Variants in FGF14 observed in about 807,000 individuals in gnomAD.
FGF14 encodes the protein fibroblast growth factor 14.
FGF14 carries 5 observed loss-of-function variants against 25.5 expected under a neutral mutation model. That is an observed-to-expected ratio of 0.20 (90% confidence interval 0.10 to 0.41). The LOEUF is 0.41. Among genes scored for constraint, FGF14 ranks in the 10% least tolerant of loss-of-function variants. The probability of loss-of-function intolerance (pLI) is 1.00; values close to 1 mark genes in which losing one functional copy is unlikely to be tolerated. For missense variants in FGF14, 222 were observed against 320.1 expected, an observed-to-expected ratio of 0.69 and a Z score of 2.34; for synonymous variants, 138 against 118.3, an observed-to-expected ratio of 1.17 and a Z score of -1.08.
chr13:102,224,387 T>C (rs939389030), intron 1 of FGF14, among the ~76,000 whole-genome samples: 4 of 152,166 alleles, frequency 2.6e-5, no homozygotes, highest in African/African-American at 4.8e-5. Context: ...AGAAAGAAGA[T>C]ATTTCATTGT....
chr13:101,863,501 G>A (rs889521353), intron 3 of FGF14, among the ~76,000 whole-genome samples: 2 of 152,298 alleles, frequency 1.3e-5, no homozygotes, highest in East Asian at 3.9e-4. Flanking sequence ...AGGAAGCCCT[G>A]CCAATGTCTG....
At chr13:102,365,500 T>G (rs769863912) in intron 1 of FGF14, among the ~76,000 whole-genome samples, 2 of 152,186 alleles carry the variant, frequency 1.3e-5, no homozygotes, top group African/African-American at 2.4e-5. Context: ...AAAATTATTA[T>G]GTATATCAAA....
chr13:101,946,791 C>T (rs1259529666), intron 1 of FGF14, among the ~76,000 whole-genome samples: 2 of 152,204 alleles, frequency 1.3e-5, no homozygotes, highest in African/African-American at 2.4e-5. Context: ...TTAAGTCTGT[C>T]ACTGGTGGAT....
intron 1 of FGF14, among the ~76,000 whole-genome samples, chr13:101,934,897 G>T (rs2035000522): frequency 6.6e-6 from 1 of 152,186 alleles, no homozygotes; most frequent in African/African-American, 2.4e-5. Context: ...GTTCAGTGAG[G>T]ACACTTAATA....
intron 3 of FGF14, among the ~76,000 whole-genome samples, chr13:101,831,290 C>T (rs1207817199): frequency 3.3e-5 from 5 of 150,944 alleles, no homozygotes; most frequent in African/African-American, 1.2e-4. Context: ...TTACGTTGGC[C>T]AGGCTGGTCT....
chr13:102,312,357 G>C (rs1189571369), intron 1 of FGF14, among the ~76,000 whole-genome samples: 1 of 151,896 alleles, frequency 6.6e-6, no homozygotes, highest in Non-Finnish European at 1.5e-5. Context: ...TATTTTCAAG[G>C]AGGTTTCATT....
chr13:102,291,108 G>T (rs1037972908), intron 1 of FGF14, among the ~76,000 whole-genome samples: 2 of 152,184 alleles, frequency 1.3e-5, no homozygotes, highest in African/African-American at 4.8e-5. Context: ...TCTTGTGCAT[G>T]ACTCTAAAAG....
chr13:101,880,094 T>C (rs938300862), intron 1 of FGF14, among the ~76,000 whole-genome samples: 11 of 152,158 alleles, frequency 7.2e-5, no homozygotes, highest in Non-Finnish European at 7.4e-5. Flanking sequence ...CGAGAACCCC[T>C]TCCCTCTAGG....
chr13:102,038,636 C>T (rs1032381256), intron 1 of FGF14, among the ~76,000 whole-genome samples: 2 of 152,070 alleles, frequency 1.3e-5, no homozygotes, highest in Non-Finnish European at 2.9e-5. Flanking sequence ...TCTTACTCAT[C>T]TTTAGTTGGT....
chr13:102,304,447 T>C (rs914566015), intron 1 of FGF14, among the ~76,000 whole-genome samples: 5 of 152,120 alleles, frequency 3.3e-5, no homozygotes, highest in African/African-American at 7.2e-5. Context: ...TACATTGAAA[T>C]TGTACTTTCA....
intron 1 of FGF14, among the ~76,000 whole-genome samples, chr13:102,215,643 G>T (rs578126727): frequency 4.5e-4 from 68 of 152,168 alleles, no homozygotes; most frequent in African/African-American, 1.2e-3. Context: ...CTTCCCCACA[G>T]CCCACAACCA....
intron 1 of FGF14, among the ~76,000 whole-genome samples, chr13:102,339,151 C>CA (rs2056877729): frequency 6.6e-6 from 1 of 151,854 alleles, no homozygotes; most frequent in Non-Finnish European, 1.5e-5. Flanking sequence ...CCATGATGTG[C>CA]AAATTTCACA....
chr13:102,285,407 A>G (rs976837333), intron 1 of FGF14, among the ~76,000 whole-genome samples: 3 of 152,204 alleles, frequency 2.0e-5, no homozygotes, highest in African/African-American at 7.2e-5. Flanking sequence ...TTCAGGAATT[A>G]GACTGAACTG....
intron 3 of FGF14, among the ~76,000 whole-genome samples, chr13:101,820,443 G>A (rs1056443445): frequency 6.6e-6 from 1 of 152,068 alleles, no homozygotes; most frequent in Non-Finnish European, 1.5e-5. Context: ...ACATATCCAA[G>A]ATGAAGACTA....
intron 3 of FGF14, among the ~76,000 whole-genome samples, chr13:101,818,578 G>T (rs1225855978): frequency 1.3e-5 from 2 of 152,014 alleles, no homozygotes; most frequent in African/African-American, 2.4e-5. Flanking sequence ...GGTTTTGGGG[G>T]GTAATACAAC....
intron 3 of FGF14, among the ~76,000 whole-genome samples, chr13:101,846,988 A>G (rs868449215): frequency 3.1e-4 from 47 of 152,178 alleles, no homozygotes; most frequent in African/African-American, 1.1e-3. Flanking sequence ...GGTCCTCGAT[A>G]AATTCCTCAT....
intron 1 of FGF14, among the ~76,000 whole-genome samples, chr13:102,090,804 C>G (rs2044130312): frequency 6.6e-6 from 1 of 152,220 alleles, no homozygotes; most frequent in Non-Finnish European, 1.5e-5. Flanking sequence ...AAGTCAGAAT[C>G]TAACAGCGAT....
At chr13:102,018,445 C>T (rs1325697907) in intron 1 of FGF14, among the ~76,000 whole-genome samples, 1 of 152,128 alleles carries the variant, frequency 6.6e-6, no homozygotes, top group Non-Finnish European at 1.5e-5. Context: ...GAATCCTCTA[C>T]TGAGTCAATG....
intron 3 of FGF14, among the ~76,000 whole-genome samples, chr13:101,750,283 C>T (rs910508675): frequency 6.6e-6 from 1 of 151,914 alleles, no homozygotes; most frequent in Non-Finnish European, 1.5e-5. Context: ...GTTATGTATC[C>T]CAGCATATAA....
Sources: gnomAD v4.1 joint callset for allele counts (sites outside exome capture counted in the v4.1 genomes callset) on GRCh38, gnomAD v4.1.1 for gene constraint, MANE v1.5 for transcripts, NCBI Gene and HGNC (gene_info 2026-07-23, HGNC 2026-07-21) for gene names.